Variants in ZNF106 observed in about 807,000 individuals in gnomAD.
The protein encoded by ZNF106 is zinc finger protein 106, also known as SH3-domain binding protein 3.
Under a neutral mutation model 195.1 loss-of-function variants are expected in ZNF106, and 67 were observed. The ratio of observed to expected loss-of-function variants is 0.34; its 90% CI spans 0.28 to 0.42. The LOEUF (loss-of-function observed/expected upper bound fraction) is 0.42, where lower values mean the gene tolerates loss of function less well. Among genes scored for constraint, ZNF106 ranks in the 10% least tolerant of loss-of-function variants. The pLI, the probability that ZNF106 is intolerant of heterozygous loss-of-function variation, is 1.00. For missense variants in ZNF106, 2,118 were observed against 2,304.5 expected, an observed-to-expected ratio of 0.92 and a Z score of 1.66; for synonymous variants, 784 against 818.6, an observed-to-expected ratio of 0.96 and a Z score of 0.72.
chr15:42,449,608 C>G (rs1313991165), intron 5 of ZNF106, among the ~76,000 whole-genome samples, 163 bp downstream of exon 5: 2 of 152,138 alleles, frequency 1.3e-5, no homozygotes, highest in African/African-American at 4.8e-5. Context: ...TTCCATCTGT[C>G]ATAGAGTATC....
In ZNF106 at chr15:42,482,522, G is replaced by GTTTTTTTTT. The variant is rs905219332; in HGVS notation, c.-33+8449_-33+8457dup. Among the ~76,000 whole-genome samples the GTTTTTTTTT allele has an allele frequency of 4.8e-4, 40 of 82,546 alleles. 3 individuals carry two copies. Among genetic ancestry groups the GTTTTTTTTT allele is most frequent in the African/African-American group, 6.8e-4 (12 of 17,574 alleles). 54.2% of individuals were successfully genotyped at this position (82,546 alleles called of 152,430 possible). ...TCTTAGGCAGTAGATGAAATCTCCA[G>GTTTTTTTTT]TTTTTTTTTTTTTTTTTTTTTTTTG... On this transcript the variant is annotated intron_variant, in intron 1 of 21. Transcript: ENST00000564754.
intron 1 of ZNF106, among the ~76,000 whole-genome samples, chr15:42,483,242 CTG>C (rs1306002131): frequency 6.6e-6 from 1 of 152,152 alleles, no homozygotes; most frequent in African/African-American, 2.4e-5. Flanking sequence ...TAGTTGTTAT[CTG>C]TGGGGGCATT....
rs1351946636 is a variant in ZNF106, at chr15:42,451,787, A to T, written c.485T>A (p.Phe162Tyr). The change falls in exon 5 of 22, where the codon TTT becomes TAT. Residue 162 changes from phenylalanine (F) to tyrosine (Y), a missense_variant. Phe to Tyr is a conservative substitution (Grantham distance 22). Transcript: ENST00000564754. ...AAAGCTGTTTTTCCTAGTATTATTA[A>T]AGCCATCTTTTTCCCATTTCCAATC... ...QRDWKWEKDG[F>Y]NNTRKNSFPH... The T allele has an allele frequency of 2.5e-6, 4 of 1,614,194 alleles. No individual in the cohort carries two copies. In the South Asian group the frequency reaches 4.4e-5, roughly 18 times the overall value.
chr15:42,419,837 C>G (rs148308514), intron 20 of ZNF106, among the ~76,000 whole-genome samples: 162 of 152,244 alleles, frequency 1.1e-3, no homozygotes, highest in African/African-American at 3.8e-3. Context: ...GTGTTCCCAG[C>G]TACTAGGGAG....
intron 14 of ZNF106, among the ~76,000 whole-genome samples, chr15:42,432,958 T>C (rs888057432): frequency 6.6e-6 from 1 of 152,156 alleles, no homozygotes; most frequent in African/African-American, 2.4e-5. Flanking sequence ...TTTCTGTCTT[T>C]TGATTTTAGT....
intron 7 of ZNF106, among the ~76,000 whole-genome samples, 191 bp downstream of exon 7, chr15:42,446,398 T>C (rs944741660): frequency 6.6e-6 from 1 of 152,066 alleles, no homozygotes; most frequent in Non-Finnish European, 1.5e-5. Flanking sequence ...CTGGGCAATA[T>C]AGCTAGACCC....
At chr15:42,430,844 A>C (rs2055025401) in intron 14 of ZNF106, among the ~76,000 whole-genome samples, 1 of 151,780 alleles carries the variant, frequency 6.6e-6, no homozygotes, top group Non-Finnish European at 1.5e-5. Context: ...ACAGGTTTGT[A>C]CAAGTCGCCT....
intron 1 of ZNF106, among the ~76,000 whole-genome samples, chr15:42,485,335 T>C (rs942245480): frequency 6.6e-6 from 1 of 152,212 alleles, no homozygotes; most frequent in South Asian, 2.1e-4. Context: ...ATTAGTTTCA[T>C]CTAGCTATTC....
Position 42,486,257 on chromosome 15 carries a change from C to G in ZNF106, c.-33+4723G>C, listed in dbSNP as rs183433757. Reference sequence around the variant, plus strand: ...ACAGGCGTGAGCCACCGCGCCCAGCCCTTCTTTTTTTTTTCTTCCAGAGAC... The same window carrying G: ...ACAGGCGTGAGCCACCGCGCCCAGCGCTTCTTTTTTTTTTCTTCCAGAGAC... On this transcript the variant is annotated intron_variant, in intron 1 of 21. Transcript: ENST00000564754. Among the ~76,000 whole-genome samples, 675 of 152,040 alleles carry G rather than the reference C, an allele frequency of 4.4e-3. 8 individuals are homozygous for G. The highest frequency in any genetic ancestry group is 0.015 in the African/African-American group (636 of 41,480).
rs570153362 is a variant in ZNF106, at chr15:42,489,881, C to T, written c.-33+1099G>A. ...TGAGACCTCGTCTCTACTAAAAATA[C>T]AAAAATTAGCCGGGCGTGGTGGTGG... On this transcript the variant is annotated intron_variant, in intron 1 of 21. Transcript: ENST00000564754. Among the ~76,000 whole-genome samples, 12 of 150,938 alleles carry T rather than the reference C, an allele frequency of 8.0e-5. No homozygotes were observed. In the South Asian group the frequency reaches 2.5e-3, roughly 32 times the overall value.
chr15:42,478,229 T>A (rs537536166), intron 1 of ZNF106, among the ~76,000 whole-genome samples: 1 of 152,212 alleles, frequency 6.6e-6, no homozygotes, highest in African/African-American at 2.4e-5. Context: ...AATGGCACAA[T>A]CTTGGCTCAC....
intron 2 of ZNF106, among the ~76,000 whole-genome samples, chr15:42,471,778 T>C (rs1433956232): frequency 6.6e-6 from 1 of 152,204 alleles, no homozygotes; most frequent in Non-Finnish European, 1.5e-5. Context: ...TGTGGACATC[T>C]AGGATATTGT....
Position 42,442,430 on chromosome 15 carries a change from T to TACATACATAG in ZNF106, c.3422-26_3422-17dup. On this transcript the variant is annotated splice_polypyrimidine_tract_variant and intron_variant, in intron 9 of 21. Transcript: ENST00000564754. ...TCATATGTTTCTAGAATGGGAAACA[T>TACATACATAG]ACATACATAGAAATGCAAAAATGTT... 3.2e-6 allele frequency: 5 copies of TACATACATAG among 1,579,010 alleles called. No homozygotes were observed. The highest frequency in any genetic ancestry group is 4.3e-6 in the Non-Finnish European group (5 of 1,160,656).
chr15:42,436,439 A>C (rs1595449995), intron 13 of ZNF106, among the ~76,000 whole-genome samples: 1 of 151,914 alleles, frequency 6.6e-6, no homozygotes, highest in Admixed American at 6.6e-5. Context: ...TCATATCATT[A>C]AGCTAAAGGA....
At chr15:42,436,463 T>C (rs937920908) in intron 13 of ZNF106, among the ~76,000 whole-genome samples, 8 of 152,218 alleles carry the variant, frequency 5.3e-5, no homozygotes, top group South Asian at 2.1e-4. Context: ...TACACACCTG[T>C]TGCCTATATA....
rs1184790488 is a variant in ZNF106 at position 42,478,313 on chromosome 15, G to A, written c.-32-5992C>T. Among the ~76,000 whole-genome samples the A allele has an allele frequency of 4.0e-5, 6 of 151,650 alleles. No individual in the cohort carries two copies. In the East Asian group the frequency reaches 5.9e-4, roughly 15 times the overall value. ...CAAGTAGCTGGGACTACAGGCACCC[G>A]CCACCATGCCCCGCTAATTTTTGTA... On this transcript the variant is annotated intron_variant, in intron 1 of 21. Transcript: ENST00000564754.
chr15:42,482,529 T>TG (rs2056923476), intron 1 of ZNF106, among the ~76,000 whole-genome samples: 1 of 137,160 alleles, frequency 7.3e-6, no homozygotes, highest in South Asian at 2.4e-4. Context: ...CCAGTTTTTT[T>TG]TTTTTTTTTT....
At chr15:42,467,852 G>A (rs1181754774) in intron 2 of ZNF106, among the ~76,000 whole-genome samples, 1 of 151,974 alleles carries the variant, frequency 6.6e-6, no homozygotes, top group Non-Finnish European at 1.5e-5. Flanking sequence ...TTGCCCTCTC[G>A]GAGTGACAAA....
intron 1 of ZNF106, among the ~76,000 whole-genome samples, chr15:42,474,032 G>T (rs2056733302): frequency 1.3e-5 from 2 of 152,082 alleles, no homozygotes. Context: ...CAACAAGCAG[G>T]ACCAACTGAC....
Sources: allele counts gnomAD v4.1 joint callset (sites outside exome capture counted in the v4.1 genomes callset), GRCh38; gene constraint gnomAD v4.1.1; transcripts MANE v1.5; gene names NCBI Gene and HGNC (gene_info 2026-07-23, HGNC 2026-07-21).